Variants in COL4A4 observed in about 807,000 individuals in gnomAD.
COL4A4 encodes collagen alpha-4(IV) chain.
A neutral mutation model predicts 192.9 loss-of-function variants in COL4A4; 105 were observed. The ratio of observed to expected loss-of-function variants is 0.54; its 90% CI spans 0.46 to 0.64. The LOEUF is 0.64. Among genes scored for constraint, COL4A4 ranks in the 30% least tolerant of loss-of-function variants. The pLI is 0.00. For synonymous variants in COL4A4, 762 were observed against 769.9 expected (o/e 0.99, Z 0.17); for missense variants, 1,967 against 2,169.3 (o/e 0.91, Z 1.85).
intron 25 of COL4A4, 93 bp downstream of exon 25, chr2:227,077,801 T>C: frequency 2.5e-6 from 3 of 1,207,862 alleles, no homozygotes; most frequent in South Asian, 2.7e-5. Flanking sequence ...CACTAAAATC[T>C]CAGAATTCAC....
chr2:227,115,612 T>C (rs2061451890), intron 7 of COL4A4, among the ~76,000 whole-genome samples: 4 of 152,150 alleles, frequency 2.6e-5, no homozygotes, highest in African/African-American at 9.7e-5. Context: ...GGTTACCACA[T>C]AAAAATCCTA....
intron 25 of COL4A4, among the ~76,000 whole-genome samples, chr2:227,066,704 C>T (rs1384241886): frequency 2.7e-5 from 4 of 149,702 alleles, no homozygotes; most frequent in Admixed American, 6.6e-5. Context: ...CCTAAAAGAG[C>T]TCCTGAAGGA....
chr2:227,068,968 C>G (rs1012591716), intron 25 of COL4A4, among the ~76,000 whole-genome samples: 4 of 149,672 alleles, frequency 2.7e-5, no homozygotes, highest in African/African-American at 9.9e-5. Flanking sequence ...CTAGAAAACC[C>G]CATTGTCTCA....
At chr2:227,091,676 C>G (rs956871831) in intron 20 of COL4A4, among the ~76,000 whole-genome samples, 1 of 151,970 alleles carries the variant, frequency 6.6e-6, no homozygotes, top group Non-Finnish European at 1.5e-5. Context: ...GGCAGATCAC[C>G]TGGGGTCAGG....
chr2:227,085,509 C>T (rs2150562334), intron 22 of COL4A4, among the ~76,000 whole-genome samples: 2 of 152,288 alleles, frequency 1.3e-5, no homozygotes, highest in South Asian at 4.1e-4. Context: ...AGAAAAGGGG[C>T]TCATGGTTCT....
chr2:227,072,898 AAAT>A (rs2058804259), intron 25 of COL4A4, among the ~76,000 whole-genome samples: 1 of 152,050 alleles, frequency 6.6e-6, no homozygotes. Flanking sequence ...GACCTACCTC[AAAT>A]AATAATAACT....
chr2:226,978,554 C>T, the COL4A4 span, among the ~76,000 whole-genome samples: 2 of 152,194 alleles, frequency 1.3e-5, no homozygotes, highest in Non-Finnish European at 2.9e-5. Context: ...ATATTTAGCA[C>T]TCTACACCTC....
At chr2:227,057,844 A>C (rs1975860312) in intron 28 of COL4A4, among the ~76,000 whole-genome samples, 1 of 152,252 alleles carries the variant, frequency 6.6e-6, no homozygotes, top group African/African-American at 2.4e-5. Flanking sequence ...TGCCTATGCA[A>C]ATAAGAAACC....
At chr2:227,158,554 A>G (rs181783505) in intron 1 of COL4A4, among the ~76,000 whole-genome samples, 6 of 152,236 alleles carry the variant, frequency 3.9e-5, no homozygotes, top group African/African-American at 1.4e-4. Flanking sequence ...GAATGGGAGA[A>G]AATACTCACA....
chr2:227,089,624 A>ATACAT (rs2059799446), intron 21 of COL4A4, among the ~76,000 whole-genome samples: 2 of 92,382 alleles, frequency 2.2e-5, no homozygotes, highest in African/African-American at 3.4e-5. Context: ...CATATATATA[A>ATACAT]ATATATAAGA....
At chr2:227,122,676 C>T (rs1469966379) in intron 4 of COL4A4, among the ~76,000 whole-genome samples, 2 of 152,148 alleles carry the variant, frequency 1.3e-5, no homozygotes, top group African/African-American at 4.8e-5. Context: ...TGCTAGGCAG[C>T]CACCCTCCAA....
chr2:227,039,786 C>G (rs1970413027), intron 37 of COL4A4, among the ~76,000 whole-genome samples: 1 of 152,172 alleles, frequency 6.6e-6, no homozygotes, highest in Non-Finnish European at 1.5e-5. Flanking sequence ...TGGTCAGAGA[C>G]AGGAAATGGC....
At chr2:227,084,310 T>G (rs1467374564) in intron 22 of COL4A4, among the ~76,000 whole-genome samples, 1 of 152,198 alleles carries the variant, frequency 6.6e-6, no homozygotes, top group African/African-American at 2.4e-5. Flanking sequence ...ACATAGCATT[T>G]GGACAAATTT....
intron 2 of COL4A4, among the ~76,000 whole-genome samples, chr2:227,146,118 G>A (rs981129797): frequency 1.3e-5 from 2 of 152,160 alleles, no homozygotes; most frequent in African/African-American, 4.8e-5. Flanking sequence ...TTTTATAGAA[G>A]AGCAAACAGA....
intron 35 of COL4A4, among the ~76,000 whole-genome samples, chr2:227,043,621 C>T (rs1971888337): frequency 6.6e-6 from 1 of 152,094 alleles, no homozygotes; most frequent in Admixed American, 6.6e-5. Flanking sequence ...TATCTCTTGT[C>T]AATTTTGTTT....
chr2:227,060,873 G>A (rs961395631), intron 26 of COL4A4, among the ~76,000 whole-genome samples: 10 of 151,816 alleles, frequency 6.6e-5, no homozygotes, highest in East Asian at 1.9e-4. Flanking sequence ...GATTGCAGGC[G>A]CCCGCCACCA....
chr2:227,059,853 C>T (rs1976448754), intron 27 of COL4A4, among the ~76,000 whole-genome samples: 2 of 152,140 alleles, frequency 1.3e-5, no homozygotes, highest in African/African-American at 2.4e-5. Context: ...CCTTCTCTGG[C>T]AAACATTCTG....
In COL4A4 at chr2:227,089,866, G is replaced by A. The variant is rs932962404; in HGVS notation, c.1459+2C>T. The A allele has an allele frequency of 2.5e-6, 4 of 1,610,738 alleles. No homozygotes were observed. The highest frequency in any genetic ancestry group is 3.4e-6 in the Non-Finnish European group (4 of 1,177,330). ...GAAATTCTACCTTTGGTGCCTACTT[G>A]CCTTTTTCTCCTTTTGGGCCTCTTC... On this transcript the variant is annotated splice_donor_variant, in intron 21 of 47. Transcript: ENST00000396625. LOFTEE classifies it low-confidence loss of function (GC_TO_GT_DONOR).
chr2:227,112,149 C>T (rs2061247153), intron 8 of COL4A4, among the ~76,000 whole-genome samples: 2 of 152,124 alleles, frequency 1.3e-5, no homozygotes, highest in South Asian at 2.1e-4. Flanking sequence ...CTACTTCTAT[C>T]GCCTTGTGAC....
Sources: gnomAD v4.1 joint callset for allele counts (sites outside exome capture counted in the v4.1 genomes callset) on GRCh38, gnomAD v4.1.1 for gene constraint, MANE v1.5 for transcripts, NCBI Gene and HGNC (gene_info 2026-07-23, HGNC 2026-07-21) for gene names.